The following HERC1 variants were observed in gnomAD, a reference collection of about 807,000 sequenced individuals.
HERC1 encodes the protein probable E3 ubiquitin-protein ligase HERC1.
A neutral mutation model predicts 554.3 loss-of-function variants in HERC1; 160 were observed. The ratio of observed to expected loss-of-function variants is 0.29; its 90% confidence interval spans 0.25 to 0.33. The LOEUF (loss-of-function observed/expected upper bound fraction) is 0.33, where lower values mean the gene tolerates loss of function less well. HERC1 is among the 10% of genes least tolerant of loss of function. HERC1 has a pLI of 1.00. For synonymous variants in HERC1, 2,175 were observed against 2,131.7 expected (o/e 1.02, Z -0.56); for missense variants, 4,919 against 5,918.5 (o/e 0.83, Z 5.54).
Position 63,623,865 on chromosome 15 carries a change from C to T in HERC1, c.13471G>A (p.Val4491Ile), listed in dbSNP as rs2068188753. ...TRGRKCKPIF[V>I]QIARQVVKLN... ...TTAACTACTTGTCTCGCTATTTGGA[C>T]AAAAATAGGCTTACACTTCCGTCCT... The change falls in exon 73 of 78, where the codon GTC becomes ATC. Residue 4491 changes from valine (V) to isoleucine (I), a missense_variant. By Grantham distance (29) the Val-to-Ile change is conservative. Around this residue, in one of 11 missense-constraint regions of HERC1, gnomAD observed 410 missense variants for 467.0 expected, o/e 0.88. Transcript: ENST00000443617. 4 of 1,613,754 alleles carry T rather than the reference C, an allele frequency of 2.5e-6. No individual in the cohort carries two copies. The highest frequency in any genetic ancestry group is 3.4e-6 in the Non-Finnish European group (4 of 1,179,818).
intron 12 of HERC1, among the ~76,000 whole-genome samples, chr15:63,745,727 C>T (rs915276457): frequency 1.3e-5 from 2 of 152,124 alleles, no homozygotes; most frequent in Non-Finnish European, 2.9e-5. Context: ...AAGTGCTCAC[C>T]TGATTTTTGG....
intron 1 of HERC1, among the ~76,000 whole-genome samples, chr15:63,831,669 G>GGAGTAT (rs1457430912): frequency 6.6e-6 from 1 of 151,912 alleles, no homozygotes; most frequent in Non-Finnish European, 1.5e-5. Flanking sequence ...CAAATATTAG[G>GGAGTAT]GAGTATTCAG....
chr15:63,779,280 CCAGA>C (rs1365589794), intron 1 of HERC1, among the ~76,000 whole-genome samples: 9 of 151,824 alleles, frequency 5.9e-5, no homozygotes, highest in African/African-American at 9.7e-5. Context: ...GAAAATTAAC[CCAGA>C]CAATCAACTC....
At chr15:63,760,014 T>G (rs2075555046) in intron 3 of HERC1, among the ~76,000 whole-genome samples, 1 of 152,154 alleles carries the variant, frequency 6.6e-6, no homozygotes, top group Non-Finnish European at 1.5e-5. Flanking sequence ...TACAGGTCTA[T>G]CACAGCCAGT....
Position 63,661,998 on chromosome 15 carries a change from CCT to C in HERC1, c.8923_8924del (p.Arg2975GlyfsTer7). 6.2e-7 allele frequency: 1 copy of C among 1,613,436 alleles called. No homozygotes were observed. The highest frequency in any genetic ancestry group is 8.5e-7 in the Non-Finnish European group (1 of 1,179,434). ...PTWHVCESEDREEVVVCELCE... is the reference protein window; with the variant it reads ...PTWHVCESEDXEEVVVCELCE... ...ACAGTTCACACACCACCACTTCTTCCCTGTCTTCAGACTCACAAACATGCTGC... is the reference window on the plus strand; with the variant it reads ...ACAGTTCACACACCACCACTTCTTCCGTCTTCAGACTCACAAACATGCTGC... On this transcript the variant is annotated frameshift_variant, in exon 45 of 78. Transcript: ENST00000443617. LOFTEE classifies it high-confidence loss of function.
chr15:63,780,251 G>A (rs2076248271), intron 1 of HERC1, among the ~76,000 whole-genome samples: 1 of 151,952 alleles, frequency 6.6e-6, no homozygotes, highest in Non-Finnish European at 1.5e-5. Flanking sequence ...TTGATTTTGT[G>A]ATTACTATGA....
At chr15:63,675,903 CTT>C (rs201499820) in intron 37 of HERC1, among the ~76,000 whole-genome samples, 25 of 133,258 alleles carry the variant, frequency 1.9e-4, no homozygotes, top group Admixed American at 3.1e-4. Context: ...CTGTATACAT[CTT>C]TTTTTTTTTT....
chr15:63,674,831 T>C lies in HERC1; in HGVS notation c.7357A>G (p.Ser2453Gly). 1 of 1,613,890 alleles carries C rather than the reference T, an allele frequency of 6.2e-7. No individual in the cohort carries two copies. Among genetic ancestry groups the C allele is most frequent in the Non-Finnish European group, 8.5e-7 (1 of 1,179,816 alleles). Residue 2453 changes from serine (S) to glycine (G), a missense_variant, in exon 38 of 78, where the codon AGT becomes GGT. Ser to Gly is a moderately conservative substitution (Grantham distance 56, BLOSUM62 0). Transcript: ENST00000443617. ...GLTSDDVKSQ[S>G]TTSSKSENEI... ...TTTTCTGATTTGGAGCTTGTGGTAC[T>C]CTGACTTTTGACGTCATCAGATGTT...
intron 19 of HERC1, among the ~76,000 whole-genome samples, chr15:63,721,574 A>G (rs910127813): frequency 6.6e-6 from 1 of 152,174 alleles, no homozygotes; most frequent in Non-Finnish European, 1.5e-5. Flanking sequence ...CAAAGGTGTC[A>G]TCTTATTGGC....
At chr15:63,744,164 G>GTGTGTGTGTCTCTCTCTCTCTCTCTC in intron 12 of HERC1, among the ~76,000 whole-genome samples, 10 of 46,300 alleles carry the variant, frequency 2.2e-4, no homozygotes, top group Non-Finnish European at 2.6e-4. Flanking sequence ...GTGTGTGTGT[G>GTGTGTGTGTCTCTCTCTCTCTCTCTC]TCTCTCTCTC....
chr15:63,743,871 T>C (rs192298287), intron 12 of HERC1, among the ~76,000 whole-genome samples: 6 of 152,314 alleles, frequency 3.9e-5, no homozygotes, highest in African/African-American at 1.2e-4. Flanking sequence ...TGCCAGTAGA[T>C]ATTGAAGAGT....
intron 59 of HERC1, among the ~76,000 whole-genome samples, chr15:63,642,216 T>C (rs1001414267): frequency 3.3e-5 from 5 of 152,244 alleles, no homozygotes; most frequent in African/African-American, 1.2e-4. Context: ...ATCATAGAAT[T>C]ACTTCACAGC....
At chr15:63,773,691 G>A (rs1037379220) in intron 2 of HERC1, among the ~76,000 whole-genome samples, 10 of 151,276 alleles carry the variant, frequency 6.6e-5, no homozygotes, top group South Asian at 6.3e-4. Context: ...TTACAGGTGC[G>A]CACCACCACA....
intron 1 of HERC1, among the ~76,000 whole-genome samples, chr15:63,823,944 C>T (rs753546743): frequency 1.3e-5 from 2 of 152,080 alleles, no homozygotes; most frequent in African/African-American, 2.4e-5. Context: ...ACTCACACAA[C>T]GCAATAGCAA....
chr15:63,678,080 C>G lies in HERC1; in HGVS notation c.6835G>C (p.Glu2279Gln). The G allele has an allele frequency of 6.2e-7, 1 of 1,614,024 alleles. No homozygotes were observed. The change falls in exon 37 of 78, where the codon GAG (glutamate) becomes CAG (glutamine). Residue 2279 changes from glutamate (E) to glutamine (Q), a missense_variant. Physicochemically the swap from Glu to Gln is conservative, Grantham distance 29. Around this residue, in one of 11 missense-constraint regions of HERC1, gnomAD observed 1,963 missense variants for 2,228.6 expected, o/e 0.88. Transcript: ENST00000443617. ...CCATGCCTAGTATGTTTACCTTTCT[C>G]TTCCTCTTTGCTCTCCTTCTCCTCT... ...MREEKESKEEEKGKHTRHGLA... is the reference protein window; with the variant it reads ...MREEKESKEEQKGKHTRHGLA...
chr15:63,649,339 G>A (rs369504007), intron 54 of HERC1, among the ~76,000 whole-genome samples: 19 of 151,572 alleles, frequency 1.3e-4, no homozygotes, highest in East Asian at 3.9e-4. Context: ...GTGACAGAGC[G>A]AGACTCCTTC....
In HERC1 at chr15:63,827,479, G is replaced by A. The variant is rs920546804; in HGVS notation, c.-27+6348C>T. On this transcript the variant is annotated intron_variant, in intron 1 of 77. Transcript: ENST00000443617. The stretch of plus-strand genomic sequence containing the variant: ...GAATATCTCTTCAAAAGAATGACCT[G>A]ATTTGGAGTCATTTCCAGGATATAC... Among the ~76,000 whole-genome samples, 81 of 151,700 alleles carry A rather than the reference G, an allele frequency of 5.3e-4. 1 individual carries two copies. Among genetic ancestry groups the A allele is most frequent in the Non-Finnish European group, 2.9e-5 (2 of 67,946 alleles).
chr15:63,675,114 G>A lies in HERC1; in HGVS notation c.7074C>T (p.Phe2358=). ...TATCACTAGGCGACCAAAAAGTTGG[G>A]AAGCTTTAATAAAGATCAGAATGAC... ...QWDEAEITIS[F]PTFWSPSDTP... The change falls in exon 38 of 78, where the codon TTC becomes TTT. Residue 2358 remains phenylalanine (F), a synonymous_variant. Coordinates refer to ENST00000443617, the MANE Select transcript of HERC1 (RefSeq NM_003922.4). 6.3e-7 allele frequency: 1 copy of A among 1,581,686 alleles called. No homozygotes were observed.
intron 70 of HERC1, among the ~76,000 whole-genome samples, 193 bp from the exon 71 acceptor site, chr15:63,626,347 C>T (rs918296735): frequency 9.3e-5 from 14 of 151,334 alleles, no homozygotes; most frequent in Admixed American, 3.3e-4. Flanking sequence ...TATCAGGGGG[C>T]GGAGAAAAAA....
Sources: gnomAD v4.1 joint callset for allele counts (sites outside exome capture counted in the v4.1 genomes callset) on GRCh38, gnomAD v4.1.1 for gene constraint, gnomAD v4.1.1 regional missense constraint, MANE v1.5 for transcripts, NCBI Gene and HGNC (gene_info 2026-07-23, HGNC 2026-07-21) for gene names.